The following IRAK3 variants were observed in gnomAD, a reference collection of about 807,000 sequenced individuals.
IRAK3 encodes the protein interleukin-1 receptor-associated kinase 3.
IRAK3 carries 57 observed loss-of-function variants against 56.6 expected under a neutral mutation model. The ratio of observed to expected loss-of-function variants is 1.01; its 90% CI spans 0.81 to 1.26. The LOEUF (loss-of-function observed/expected upper bound fraction) is 1.26. Among genes scored for constraint, IRAK3 ranks in the 50% most tolerant of loss-of-function variants. The probability of loss-of-function intolerance (pLI) is 0.00; values close to 1 mark genes in which losing one functional copy is unlikely to be tolerated. For missense variants in IRAK3, 703 were observed against 719.0 expected (o/e 0.98, Z 0.25); for synonymous variants, 258 against 255.7 (o/e 1.01, Z -0.09).
chr12:66,193,545 A>T (rs1312855280), intron 1 of IRAK3, among the ~76,000 whole-genome samples: 1 of 152,112 alleles, frequency 6.6e-6, no homozygotes, highest in Non-Finnish European at 1.5e-5. Flanking sequence ...CTGTTCCAGG[A>T]TCCCATTCAG....
chr12:66,191,890 G>A (rs1280230896), intron 1 of IRAK3, among the ~76,000 whole-genome samples: 1 of 152,190 alleles, frequency 6.6e-6, no homozygotes, highest in South Asian at 2.1e-4. Flanking sequence ...CTCTCGAGCC[G>A]ATCGTGATTC....
intron 8 of IRAK3, chr12:66,234,540 G>A: frequency 6.2e-7 from 1 of 1,612,032 alleles, no homozygotes; most frequent in Admixed American, 1.7e-5. Flanking sequence ...ATTCCAGTAA[G>A]TCTCACCTCT....
intron 5 of IRAK3, among the ~76,000 whole-genome samples, chr12:66,215,209 T>C (rs549117408): frequency 2.0e-5 from 3 of 152,170 alleles, no homozygotes; most frequent in Non-Finnish European, 4.4e-5. Context: ...AATTCGTACA[T>C]TGTCTTATGG....
intron 6 of IRAK3, among the ~76,000 whole-genome samples, chr12:66,217,810 T>C (rs2052692498): frequency 6.6e-6 from 1 of 152,170 alleles, no homozygotes. Context: ...TAGGAAACTT[T>C]TTCAGATTTT....
intron 1 of IRAK3, 131 bp from the exon 2 acceptor site, chr12:66,203,580 A>G: frequency 2.3e-6 from 2 of 863,212 alleles, no homozygotes; most frequent in South Asian, 3.0e-5. Flanking sequence ...AAATTAGTTC[A>G]AAATAAAAGT....
rs35334535 is a variant in IRAK3, at chr12:66,229,318, CCT to C, written c.887+949_887+950del. 3.1e-3 allele frequency among the ~76,000 whole-genome samples: 475 copies of C among 152,206 alleles called. 8 individuals are homozygous for C. Among genetic ancestry groups the C allele is most frequent in the African/African-American group, 0.01 (430 of 41,532 alleles). ...AATCATTCACCCAGAGTAAATACCC[CCT>C]GTCGGTGAATTTTTTTCTATTTGCC... On this transcript the variant is annotated intron_variant, in intron 8 of 11. Coordinates refer to ENST00000261233, the MANE Select transcript of IRAK3 (RefSeq NM_007199.3).
chr12:66,222,504 G>C (rs1437525634), intron 6 of IRAK3, among the ~76,000 whole-genome samples: 2 of 151,736 alleles, frequency 1.3e-5, no homozygotes, highest in Non-Finnish European at 2.9e-5. Context: ...TGTTTCTGTG[G>C]TATCAGTTGT....
At chr12:66,206,762 C>A (rs1430457588) in intron 2 of IRAK3, among the ~76,000 whole-genome samples, 3 of 152,114 alleles carry the variant, frequency 2.0e-5, no homozygotes, top group African/African-American at 7.2e-5. Flanking sequence ...TTTTTCTATT[C>A]TGGAAGAATT....
rs2053080617 is a variant in IRAK3, at chr12:66,250,019, G to C, written c.*1848G>C. 6.6e-6 allele frequency: 1 copy of C among 152,174 alleles called. No individual in the cohort carries two copies. Among genetic ancestry groups the C allele is most frequent in the South Asian group, 2.1e-4 (1 of 4,832 alleles). The allele number at this position is 152,174 out of a possible 1,614,324, so 9.4% of individuals were successfully genotyped here. A position where few individuals can be genotyped will look rare whatever the true frequency, so the allele number is the denominator to read the frequency against. On this transcript the variant is annotated 3_prime_UTR_variant, in exon 12 of 12. Transcript: ENST00000261233. ...GGGCCATCTCTTCAGAGCCTAATGT[G>C]TCATCCTACACAGAGCAGGTGTTTC...
chr12:66,215,790 A>ACGTGCGCGCG (rs1225435769), intron 5 of IRAK3, among the ~76,000 whole-genome samples: 5,963 of 103,096 alleles, frequency 0.058, 266 homozygotes, highest in Admixed American at 0.16. Context: ...CAACATGCAC[A>ACGTGCGCGCG]CACACACACA....
At chr12:66,212,122 A>AT (rs1166971220) in intron 5 of IRAK3, among the ~76,000 whole-genome samples, 1 of 151,672 alleles carries the variant, frequency 6.6e-6, no homozygotes, top group Admixed American at 6.6e-5. Context: ...AAAAAAAAAA[A>AT]AAAGACTTCT....
At chr12:66,244,071 G>A (rs2053000949) in intron 8 of IRAK3, among the ~76,000 whole-genome samples, 1 of 152,196 alleles carries the variant, frequency 6.6e-6, no homozygotes, top group Non-Finnish European at 1.5e-5. Context: ...GCGCTCATAA[G>A]CTAAGCATTT....
At chr12:66,204,611 A>G (rs1482945100) in intron 2 of IRAK3, among the ~76,000 whole-genome samples, 2 of 152,226 alleles carry the variant, frequency 1.3e-5, no homozygotes, top group Non-Finnish European at 2.9e-5. Flanking sequence ...TATTCATTTC[A>G]ACAATAATGA....
chr12:66,216,729 C>A (rs1166047840), intron 5 of IRAK3, among the ~76,000 whole-genome samples: 1 of 152,114 alleles, frequency 6.6e-6, no homozygotes, highest in Non-Finnish European at 1.5e-5. Flanking sequence ...TTTCAAAAGG[C>A]AAAGGTAAAC....
rs376888092 is a variant in IRAK3, at chr12:66,227,576, C to CATAAATAAATAAATAA, written c.769-662_769-647dup. ...CCTGGGTGACAGAGCGAGACTCTGTCATAAATAAATAAATAAATAAATAAA... is the reference window on the plus strand; with the variant it reads ...CCTGGGTGACAGAGCGAGACTCTGTCATAAATAAATAAATAAATAAATAAATAAATAAATAAATAAA... On this transcript the variant is annotated intron_variant, in intron 7 of 11. Transcript: ENST00000261233. Among the ~76,000 whole-genome samples, 473 of 126,676 alleles carry CATAAATAAATAAATAA rather than the reference C, an allele frequency of 3.7e-3. 3 individuals carry two copies. Among genetic ancestry groups the CATAAATAAATAAATAA allele is most frequent in the Middle Eastern group, 0.012 (3 of 256 alleles). The allele number at this position is 126,676 out of a possible 152,430, so 83.1% of individuals were successfully genotyped here. A position where few individuals can be genotyped will look rare whatever the true frequency, so the allele number is the denominator to read the frequency against.
At chr12:66,200,928 A>C (rs2052501358) in intron 1 of IRAK3, among the ~76,000 whole-genome samples, 1 of 151,742 alleles carries the variant, frequency 6.6e-6, no homozygotes, top group South Asian at 2.1e-4. Context: ...CTCCCACCTC[A>C]CCCTCCTGAG....
At position 66,189,254 on chromosome 12, in the gene IRAK3, A is replaced by C; in HGVS notation, c.-46A>C. On this transcript the variant is annotated 5_prime_UTR_variant, in exon 1 of 12. Transcript: ENST00000261233. ...GTGTAACGGCCTGTCGCAGGCGTGC[A>C]GGGACCTGGACTCCGCCTCGTCCCC... 8.5e-6 allele frequency: 13 copies of C among 1,532,414 alleles called. No individual in the cohort carries two copies. Among genetic ancestry groups the C allele is most frequent in the Non-Finnish European group, 1.1e-5 (13 of 1,144,902 alleles). 94.9% of individuals were successfully genotyped at this position (1,532,414 alleles called of 1,614,324 possible).
chr12:66,210,201 G>A lies in IRAK3; in HGVS notation c.436G>A (p.Gly146Arg), dbSNP rs1227016539. The A allele has an allele frequency of 1.9e-6, 3 of 1,597,100 alleles. No individual in the cohort carries two copies. The highest frequency in any genetic ancestry group is 2.6e-6 in the Non-Finnish European group (3 of 1,166,006). Residue 146 changes from glycine to arginine, a missense_variant and splice_region_variant, in exon 4 of 12, where the codon GGA becomes AGA. By Grantham distance (125) the Gly-to-Arg change is moderately radical. Coordinates refer to ENST00000261233, the MANE Select transcript of IRAK3 (RefSeq NM_007199.3). ...TCTTATTCCTGAACATAATGAAAAAGGTATGAAAAAACCAGTTTTTTTCCA... is the reference window on the plus strand; with the variant it reads ...TCTTATTCCTGAACATAATGAAAAAAGTATGAAAAAACCAGTTTTTTTCCA... ...NVLIPEHNEK[G>R]ILLKSSISFQ...
At chr12:66,231,709 G>C (rs899611027) in intron 8 of IRAK3, among the ~76,000 whole-genome samples, 8 of 152,190 alleles carry the variant, frequency 5.3e-5, no homozygotes, top group African/African-American at 1.9e-4. Context: ...ACAGAGTAAA[G>C]AATTGCCACG....
Sources: gnomAD v4.1 joint callset for allele counts (sites outside exome capture counted in the v4.1 genomes callset) on GRCh38, gnomAD v4.1.1 for gene constraint, MANE v1.5 for transcripts, NCBI Gene and HGNC (gene_info 2026-07-23, HGNC 2026-07-21) for gene names.